The following DNAAF1 variants were observed in gnomAD, a reference collection of about 807,000 sequenced individuals.
DNAAF1 encodes the protein dynein assembly factor 1, axonemal.
DNAAF1 carries 65 observed loss-of-function variants against 71.1 expected under a neutral mutation model. The observed-to-expected ratio is 0.91, with a 90% CI of 0.75 to 1.12. The LOEUF (loss-of-function observed/expected upper bound fraction) is 1.12, where lower values mean the gene tolerates loss of function less well. Ranked by LOEUF, DNAAF1 falls within the 50% of genes most tolerant of loss-of-function variation. The probability of loss-of-function intolerance (pLI) is 0.00; values close to 1 mark genes in which losing one functional copy is unlikely to be tolerated. For synonymous variants in DNAAF1, 414 were observed against 354.6 expected, an observed-to-expected ratio of 1.17 and a Z score of -1.88; for missense variants, 1,178 against 899.8, an observed-to-expected ratio of 1.31 and a Z score of -3.96.
chr16:84,155,207 C>G (rs1288499145), intron 4 of DNAAF1, among the ~76,000 whole-genome samples: 1 of 151,854 alleles, frequency 6.6e-6, no homozygotes, highest in Non-Finnish European at 1.5e-5. Context: ...CATGCCCAGC[C>G]AAGAAGTGTT....
At chr16:84,164,780 T>C (rs558832911) in intron 6 of DNAAF1, among the ~76,000 whole-genome samples, 3 of 152,358 alleles carry the variant, frequency 2.0e-5, no homozygotes, top group Non-Finnish European at 2.9e-5. Flanking sequence ...GAGTAAATAC[T>C]CAGGAGCACA....
chr16:84,175,827 G>A, intron 10 of DNAAF1, 106 bp from the exon 11 acceptor site: 1 of 1,432,832 alleles, frequency 7.0e-7, no homozygotes, highest in Non-Finnish European at 9.7e-7. Flanking sequence ...TGTGGCAACA[G>A]AATACTTTGT....
chr16:84,147,760 C>CCCA lies in DNAAF1; in HGVS notation c.125-1247_125-1246insCCA, dbSNP rs1555519731. ...TTTAATTAAAGAAATAAGCCCCCCC[C>CCCA]AAAAAAAAAATAAAAATAAATAAGG... On this transcript the variant is annotated intron_variant, in intron 1 of 11. Coordinates refer to ENST00000378553, the MANE Select transcript of DNAAF1 (RefSeq NM_178452.6). Among the ~76,000 whole-genome samples, 158 of 149,562 alleles carry CCCA rather than the reference C, an allele frequency of 1.1e-3. 3 individuals carry two copies. In the South Asian group the frequency reaches 0.029, roughly 28 times the overall value.
intron 6 of DNAAF1, among the ~76,000 whole-genome samples, chr16:84,160,351 C>T (rs8059478): frequency 0.46 from 69,512 of 151,942 alleles, 16,380 homozygotes; most frequent in African/African-American, 0.57. Flanking sequence ...TGAAGTGCTT[C>T]TCTTACCGAT....
intron 5 of DNAAF1, 144 bp downstream of exon 5, chr16:84,155,893 C>A (rs1295469219): frequency 1.8e-6 from 2 of 1,099,466 alleles, no homozygotes; most frequent in Non-Finnish European, 2.7e-6. Context: ...GTGTTTTTAG[C>A]TGGAGTATCT....
intron 1 of DNAAF1, among the ~76,000 whole-genome samples, chr16:84,146,016 G>A (rs1349725466): frequency 6.6e-6 from 1 of 152,126 alleles, no homozygotes; most frequent in African/African-American, 2.4e-5. Flanking sequence ...AGAATCGCTT[G>A]AACCCGGGAG....
intron 6 of DNAAF1, among the ~76,000 whole-genome samples, chr16:84,161,764 C>T (rs149661392): frequency 6.6e-6 from 1 of 151,934 alleles, no homozygotes; most frequent in Non-Finnish European, 1.5e-5. Flanking sequence ...GCTCATCTGT[C>T]GTTTTATTAG....
rs1192806420 is a variant in DNAAF1 at position 84,170,321 on chromosome 16, C to T, written c.1493C>T (p.Ala498Val). ...REPEGTLPAE[A>V]PPPPPLGAAR... ...CCAGAGGGGACCCTCCCAGCTGAGG[C>T]CCCACCACCACCGCCCCTGGGAGCT... Residue 498 changes from alanine to valine, a missense_variant, in exon 8 of 12, where the codon GCC (alanine) becomes GTC (valine). Transcript: ENST00000378553. 3 of 1,611,764 alleles carry T rather than the reference C, an allele frequency of 1.9e-6. No homozygotes were observed. The highest frequency in any genetic ancestry group is 1.7e-6 in the Non-Finnish European group (2 of 1,179,154).
intron 8 of DNAAF1, among the ~76,000 whole-genome samples, chr16:84,170,704 C>G (rs1031800583): frequency 2.6e-5 from 4 of 152,074 alleles, no homozygotes; most frequent in Non-Finnish European, 4.4e-5. Context: ...TTGTGGTGTG[C>G]CCCTGTAGTC....
chr16:84,172,827 C>A (rs1030338443), intron 9 of DNAAF1: 1 of 1,044,730 alleles, frequency 9.6e-7, no homozygotes, highest in African/African-American at 1.7e-5. Flanking sequence ...AGCTTAGGCT[C>A]TCACTGGCCT....
intron 11 of DNAAF1, 141 bp downstream of exon 11, chr16:84,176,440 C>A: frequency 1.5e-6 from 2 of 1,291,622 alleles, no homozygotes; most frequent in East Asian, 2.5e-5. Context: ...CACAGATCCT[C>A]TGAAGGTCCC....
chr16:84,148,592 C>CTTTTTTTTTTTTTTTTTTT (rs1298445444), intron 1 of DNAAF1, among the ~76,000 whole-genome samples: 1 of 33,486 alleles, frequency 3.0e-5, no homozygotes, highest in Non-Finnish European at 6.6e-5. Context: ...TTCTCTCTCT[C>CTTTTTTTTTTTTTTTTTTT]TCTCTTTTTT....
At chr16:84,155,955 C>G (rs539894977) in intron 5 of DNAAF1, among the ~76,000 whole-genome samples, 2 of 152,064 alleles carry the variant, frequency 1.3e-5, no homozygotes, top group African/African-American at 4.8e-5. Flanking sequence ...GTGTGTGCCT[C>G]TAACAGATAA....
At chr16:84,157,708 C>G (rs1338939794) in intron 5 of DNAAF1, among the ~76,000 whole-genome samples, 2 of 152,002 alleles carry the variant, frequency 1.3e-5, no homozygotes, top group African/African-American at 4.8e-5. Flanking sequence ...ACCGCTTAGG[C>G]TATTGATAAA....
At chr16:84,177,009 C>G (rs564670295) in intron 11 of DNAAF1, 14 of 166,268 alleles carry the variant, frequency 8.4e-5, no homozygotes, top group African/African-American at 2.9e-4. Flanking sequence ...CATCTGCCTT[C>G]AGGTGCACTC....
Position 84,174,669 on chromosome 16 carries a change from GACCT to G in DNAAF1, c.1650_1653del (p.Pro551ThrfsTer28). On this transcript the variant is annotated frameshift_variant and splice_region_variant, in exon 10 of 12. Transcript: ENST00000378553. LOFTEE classifies it high-confidence loss of function. ...ATGTGCGGCTCACTTGCTCTTTCAGGACCTACCTGACTTGGAAGATGATGATGAA... is the reference window on the plus strand; with the variant it reads ...ATGTGCGGCTCACTTGCTCTTTCAGGACCTGACTTGGAAGATGATGATGAA... 1.2e-6 allele frequency: 2 copies of G among 1,614,108 alleles called. No homozygotes were observed. The highest frequency in any genetic ancestry group is 1.6e-4 in the Middle Eastern group (1 of 6,062).
intron 7 of DNAAF1, among the ~76,000 whole-genome samples, chr16:84,169,456 G>C (rs1437551340): frequency 1.3e-5 from 2 of 150,994 alleles, no homozygotes; most frequent in African/African-American, 4.9e-5. Flanking sequence ...GTCTCGCTCT[G>C]TCTCCCAGGC....
Position 84,170,262 on chromosome 16 carries a change from T to C in DNAAF1, c.1434T>C (p.Pro478=). 1 of 1,609,220 alleles carries C rather than the reference T, an allele frequency of 6.2e-7. No homozygotes were observed. Among genetic ancestry groups the C allele is most frequent in the African/African-American group, 1.3e-5 (1 of 74,416 alleles). ...CTGAGACCCTGCTACTGTCACCGCC[T>C]GTGAAGGTTAAAGGAGAGGATGGAG... The part of the protein sequence containing the change: ...LPAETLLLSP[P]VKVKGEDGDR... Residue 478 remains proline, a synonymous_variant, in exon 8 of 12, where the codon CCT becomes CCC. Transcript: ENST00000378553.
At chr16:84,149,706 A>C (rs1429191959) in intron 2 of DNAAF1, among the ~76,000 whole-genome samples, 1 of 149,910 alleles carries the variant, frequency 6.7e-6, no homozygotes, top group Admixed American at 6.7e-5. Flanking sequence ...AAAAAAAAAA[A>C]AAACATACAT....
Sources: gnomAD v4.1 joint callset for allele counts (sites outside exome capture counted in the v4.1 genomes callset) on GRCh38, gnomAD v4.1.1 for gene constraint, MANE v1.5 for transcripts, NCBI Gene and HGNC (gene_info 2026-07-23, HGNC 2026-07-21) for gene names.